KALRN: variants seen among roughly 807,000 people sequenced by gnomAD.
The protein encoded by KALRN is kalirin.
Under a neutral mutation model 353.7 loss-of-function variants are expected in KALRN, and 70 were observed. The ratio of observed to expected loss-of-function variants is 0.20; its 90% CI spans 0.16 to 0.24. The LOEUF (loss-of-function observed/expected upper bound fraction) is 0.24. Among genes scored for constraint, KALRN ranks in the 10% least tolerant of loss-of-function variants. KALRN has a pLI of 1.00. For synonymous variants in KALRN, 1,391 were observed against 1,434.8 expected (o/e 0.97, Z 0.69); for missense variants, 2,791 against 3,756.7 (o/e 0.74, Z 6.72).
At chr3:124,530,599 C>G (rs895963288) in intron 33 of KALRN, among the ~76,000 whole-genome samples, 5 of 152,024 alleles carry the variant, frequency 3.3e-5, no homozygotes. Flanking sequence ...CACTGTTTCC[C>G]AAGCTAGTCT....
chr3:124,376,800 A>G (rs1213765428), intron 10 of KALRN, among the ~76,000 whole-genome samples: 2 of 152,182 alleles, frequency 1.3e-5, no homozygotes, highest in Non-Finnish European at 2.9e-5. Flanking sequence ...GGAGAGCACT[A>G]TGCCCACTAG....
intron 16 of KALRN, among the ~76,000 whole-genome samples, chr3:124,433,853 A>G (rs2093373179): frequency 6.6e-6 from 1 of 152,184 alleles, no homozygotes; most frequent in Admixed American, 6.6e-5. Flanking sequence ...GTTAGCTGAG[A>G]TTTGTGTTAC....
chr3:124,622,685 G>A (rs2079410759), intron 34 of KALRN, among the ~76,000 whole-genome samples: 1 of 152,136 alleles, frequency 6.6e-6, no homozygotes, highest in South Asian at 2.1e-4. Context: ...AACACTATTA[G>A]AATTATCTTC....
intron 1 of KALRN, among the ~76,000 whole-genome samples, chr3:124,090,111 T>G (rs1004823018): frequency 6.6e-6 from 1 of 151,442 alleles, no homozygotes; most frequent in Non-Finnish European, 1.5e-5. Context: ...GTGTGGGCAG[T>G]GGGGGGTACT....
intron 14 of KALRN, among the ~76,000 whole-genome samples, chr3:124,417,906 T>C (rs1169805856): frequency 6.6e-6 from 1 of 152,226 alleles, no homozygotes; most frequent in African/African-American, 2.4e-5. Context: ...TGCATTCTGT[T>C]GAAGTTATTT....
chr3:124,634,739 A>G (rs604162), intron 36 of KALRN, among the ~76,000 whole-genome samples: 97,855 of 151,818 alleles, frequency 0.64, 32,331 homozygotes, highest in East Asian at 0.91. Context: ...ATTCTCTTAG[A>G]CTCTGGACGT....
At position 124,721,186 on chromosome 3, in the gene KALRN, T is replaced by C. The variant is rs1315351490; in HGVS notation, c.*1716T>C. The C allele has an allele frequency of 6.6e-6, 1 of 152,190 alleles. No homozygotes were observed. The highest frequency in any genetic ancestry group is 1.5e-5 in the Non-Finnish European group (1 of 68,034). The allele number at this position is 152,190 out of a possible 1,614,324, so 9.4% of individuals were successfully genotyped here. A position where few individuals can be genotyped will look rare whatever the true frequency, so the allele number is the denominator to read the frequency against. On this transcript the variant is annotated 3_prime_UTR_variant, in exon 60 of 60. Coordinates refer to ENST00000682506, the MANE Select transcript of KALRN (RefSeq NM_001388419.1). ...AATTAAAAATCATCATCTTTTTTTT[T>C]CCATTGGTTTCAAAGACAACTTCCT... is the stretch of plus-strand genomic sequence containing the variant.
chr3:124,616,690 G>T (rs992059797), intron 34 of KALRN, among the ~76,000 whole-genome samples: 1 of 152,170 alleles, frequency 6.6e-6, no homozygotes, highest in Non-Finnish European at 1.5e-5. Flanking sequence ...AACTGGCCAG[G>T]CGCGGTAGCT....
At chr3:124,492,692 AG>A (rs775219260) in intron 31 of KALRN, 47 bp from the exon 32 acceptor site, 1 of 1,588,312 alleles carries the variant, frequency 6.3e-7, no homozygotes, top group South Asian at 1.1e-5. Flanking sequence ...GTTTTTGGTA[AG>A]GTGATGGGAG....
intron 33 of KALRN, among the ~76,000 whole-genome samples, chr3:124,514,692 G>A (rs912631598): frequency 3.9e-5 from 6 of 152,142 alleles, no homozygotes; most frequent in Admixed American, 2.6e-4. Context: ...AGGTGTTTCT[G>A]ATATCCATTA....
At chr3:124,208,283 G>A (rs752578157) in intron 1 of KALRN, among the ~76,000 whole-genome samples, 5 of 152,206 alleles carry the variant, frequency 3.3e-5, no homozygotes, top group Admixed American at 2.0e-4. Flanking sequence ...TGGCTGGAAG[G>A]TTGAACATAA....
intron 11 of KALRN, 88 bp downstream of exon 11, chr3:124,385,124 G>C (rs546378880): frequency 9.0e-7 from 1 of 1,114,306 alleles, no homozygotes. Context: ...TCTGACCAGG[G>C]TCCTGGGTAG....
chr3:124,197,949 G>A (rs556653089), intron 1 of KALRN, among the ~76,000 whole-genome samples: 5 of 152,252 alleles, frequency 3.3e-5, no homozygotes, highest in African/African-American at 1.2e-4. Context: ...TGCACACTTA[G>A]TGATTCAAAT....
At chr3:124,309,616 C>T (rs186579245) in intron 6 of KALRN, among the ~76,000 whole-genome samples, 2 of 152,108 alleles carry the variant, frequency 1.3e-5, no homozygotes, top group African/African-American at 4.8e-5. Context: ...TTACACACCA[C>T]GACCAAGTGG....
At chr3:124,546,420 T>C (rs1561262948) in intron 33 of KALRN, among the ~76,000 whole-genome samples, 2 of 151,924 alleles carry the variant, frequency 1.3e-5, no homozygotes. Context: ...ACCGTGGTCA[T>C]GCCACTGCAC....
At chr3:124,586,166 G>A (rs1050869860) in intron 34 of KALRN, among the ~76,000 whole-genome samples, 1 of 152,160 alleles carries the variant, frequency 6.6e-6, no homozygotes, top group Non-Finnish European at 1.5e-5. Flanking sequence ...GAATGTGAGG[G>A]GCCAGGGACC....
chr3:124,413,601 G>T lies in KALRN; in HGVS notation c.2478G>T (p.Met826Ile). 1 of 1,614,132 alleles carries T rather than the reference G, an allele frequency of 6.2e-7. No individual in the cohort carries two copies. The highest frequency in any genetic ancestry group is 8.5e-7 in the Non-Finnish European group (1 of 1,180,020). The change falls in exon 14 of 60, where the codon ATG (methionine) becomes ATT (isoleucine). Residue 826 changes from methionine (M) to isoleucine (I), a missense_variant. This residue lies in a region of KALRN where 452 missense variants were observed against 575.8 expected (regional missense o/e 0.78). Transcript: ENST00000682506. ...AACGGAAGCTAGCCATGAACAACAT[G>T]ACCTTTGAGGTTATCCAGCAGGGAC... Reference protein sequence around the residue: ...HTERKLAMNNMTFEVIQQGQD... With the variant: ...HTERKLAMNNITFEVIQQGQD...
chr3:124,523,109 A>T (rs1577703899), intron 33 of KALRN, among the ~76,000 whole-genome samples: 1 of 152,248 alleles, frequency 6.6e-6, no homozygotes, highest in Non-Finnish European at 1.5e-5. Context: ...TACATTTTAT[A>T]AATAAGAAAA....
At chr3:124,523,157 A>G (rs2067301730) in intron 33 of KALRN, among the ~76,000 whole-genome samples, 1 of 152,238 alleles carries the variant, frequency 6.6e-6, no homozygotes, top group African/African-American at 2.4e-5. Flanking sequence ...CCCTTGAGCT[A>G]TCAAGTCTGA....
Sources: allele counts gnomAD v4.1 joint callset (sites outside exome capture counted in the v4.1 genomes callset), GRCh38; gene constraint gnomAD v4.1.1; regional missense constraint gnomAD v4.1.1; transcripts MANE v1.5; gene names NCBI Gene and HGNC (gene_info 2026-07-23, HGNC 2026-07-21).